The following PEAK1 variants were observed in gnomAD, a reference collection of about 807,000 sequenced individuals.
PEAK1 encodes inactive tyrosine-protein kinase PEAK1.
A neutral mutation model predicts 124.7 loss-of-function variants in PEAK1; 54 were observed. That is an observed-to-expected ratio of 0.43 (90% CI 0.35 to 0.54). The LOEUF is 0.54. Ranked by LOEUF, PEAK1 falls within the 20% of genes least tolerant of loss-of-function variation. The pLI is 0.01. For synonymous variants in PEAK1, 719 were observed against 760.0 expected (o/e 0.95, Z 0.89); for missense variants, 2,046 against 2,134.5 (o/e 0.96, Z 0.82).
rs1283008633 is a variant in PEAK1, at chr15:77,110,814, T to A, written c.*3342A>T. ...GACTCTTTTTCTCATCCTGCTGTTA[T>A]TCTTCATGAATTGGCTTCTAGGCAA... On this transcript the variant is annotated 3_prime_UTR_variant, in exon 10 of 10. Coordinates refer to ENST00000682557, the MANE Select transcript of PEAK1 (RefSeq NM_001385026.1). The A allele has an allele frequency of 6.6e-6, 1 of 152,260 alleles. No homozygotes were observed. Among genetic ancestry groups the A allele is most frequent in the Non-Finnish European group, 1.5e-5 (1 of 68,060 alleles). The allele number at this position is 152,260 out of a possible 1,614,324, so 9.4% of individuals were successfully genotyped here.
chr15:77,408,154 TACACACACAC>T (rs55866391), intron 1 of PEAK1, among the ~76,000 whole-genome samples: 10 of 144,416 alleles, frequency 6.9e-5, no homozygotes, highest in South Asian at 2.2e-4. Flanking sequence ...CATATATACA[TACACACACAC>T]ACACACACAC....
chr15:77,308,583 T>C (rs2064241162), intron 2 of PEAK1, among the ~76,000 whole-genome samples: 1 of 152,060 alleles, frequency 6.6e-6, no homozygotes, highest in Non-Finnish European at 1.5e-5. Context: ...ACTTTAACAG[T>C]AGAGAAAAAT....
At chr15:77,419,196 A>G (rs1268884903) in intron 1 of PEAK1, 3 of 985,238 alleles carry the variant, frequency 3.0e-6, no homozygotes, top group Admixed American at 6.2e-5. Context: ...AACAGGCCAG[A>G]GGCAGGCGGG....
intron 1 of PEAK1, among the ~76,000 whole-genome samples, chr15:77,382,318 CT>C (rs1281446532): frequency 3.9e-5 from 6 of 152,214 alleles, no homozygotes; most frequent in African/African-American, 1.4e-4. Context: ...CACCATGCTA[CT>C]TTCCATTTCC....
At chr15:77,187,054 C>T (rs1216026661) in intron 6 of PEAK1, among the ~76,000 whole-genome samples, 6 of 152,112 alleles carry the variant, frequency 3.9e-5, no homozygotes, top group African/African-American at 1.4e-4. Context: ...TATTTATTTG[C>T]CAGAACAGGT....
intron 1 of PEAK1, chr15:77,402,297 A>G (rs1179446980): frequency 2.0e-6 from 2 of 985,272 alleles, no homozygotes; most frequent in South Asian, 4.7e-5. Context: ...TTTAAAATGC[A>G]TATCTAGACA....
intron 2 of PEAK1, among the ~76,000 whole-genome samples, chr15:77,295,445 G>A (rs896403432): frequency 2.0e-5 from 3 of 152,032 alleles, no homozygotes; most frequent in Non-Finnish European, 4.4e-5. Flanking sequence ...GAAGAACATG[G>A]TCTTTTCTCA....
At chr15:77,273,187 T>TC (rs1040386501) in intron 5 of PEAK1, among the ~76,000 whole-genome samples, 7 of 152,066 alleles carry the variant, frequency 4.6e-5, no homozygotes, top group Non-Finnish European at 8.8e-5. Flanking sequence ...TTGAAAGTAT[T>TC]CCCCCTGAAA....
chr15:77,395,605 G>C (rs1158682637), intron 1 of PEAK1, among the ~76,000 whole-genome samples: 2 of 152,004 alleles, frequency 1.3e-5, no homozygotes, highest in African/African-American at 4.8e-5. Context: ...TAAGACTGGC[G>C]GGAGACTTTT....
intron 5 of PEAK1, among the ~76,000 whole-genome samples, chr15:77,273,621 A>G (rs2152957202): frequency 6.6e-6 from 1 of 152,314 alleles, no homozygotes; most frequent in Non-Finnish European, 1.5e-5. Context: ...CTGCTGAAAG[A>G]AATTATAGAT....
chr15:77,168,237 GCACACACA>G (rs113937076), intron 7 of PEAK1, among the ~76,000 whole-genome samples: 1 of 147,178 alleles, frequency 6.8e-6, no homozygotes, highest in African/African-American at 2.5e-5. Context: ...ATGTGCGCGC[GCACACACA>G]CACACACACA....
chr15:77,417,500 G>A (rs1157537882), intron 1 of PEAK1: 3 of 984,464 alleles, frequency 3.0e-6, no homozygotes, highest in Non-Finnish European at 3.6e-6. Flanking sequence ...ACAGTAAAGA[G>A]ATCAGCAAAT....
intron 6 of PEAK1, among the ~76,000 whole-genome samples, chr15:77,208,931 T>G (rs569314106): frequency 6.6e-6 from 1 of 152,328 alleles, no homozygotes; most frequent in South Asian, 2.1e-4. Flanking sequence ...CAATAAAACA[T>G]AGATGTTATC....
chr15:77,271,935 A>G (rs576307682), intron 5 of PEAK1, among the ~76,000 whole-genome samples: 1 of 151,640 alleles, frequency 6.6e-6, no homozygotes, highest in East Asian at 2.0e-4. Flanking sequence ...TATAATAATA[A>G]AAAAAAAGGA....
intron 8 of PEAK1, among the ~76,000 whole-genome samples, chr15:77,142,172 T>C (rs779059965): frequency 3.9e-5 from 6 of 152,202 alleles, no homozygotes; most frequent in Non-Finnish European, 8.8e-5. Context: ...GTAAAAGATT[T>C]GCATAGCTAT....
chr15:77,347,941 C>A (rs2066966657), intron 2 of PEAK1: 4 of 984,904 alleles, frequency 4.1e-6, no homozygotes, highest in East Asian at 1.1e-4. Flanking sequence ...TTTTTAAGCA[C>A]TGAATGATTC....
At chr15:77,309,971 G>A (rs895100701) in intron 2 of PEAK1, among the ~76,000 whole-genome samples, 3 of 152,150 alleles carry the variant, frequency 2.0e-5, no homozygotes, top group Admixed American at 2.0e-4. Context: ...CATGGTAGCT[G>A]TCTTCTCATA....
chr15:77,207,881 T>C (rs1381345892), intron 6 of PEAK1, among the ~76,000 whole-genome samples: 1 of 152,216 alleles, frequency 6.6e-6, no homozygotes. Flanking sequence ...ATGTTTTACA[T>C]TTCCAGTTAG....
At chr15:77,419,202 G>C in intron 1 of PEAK1, 1 of 985,322 alleles carries the variant, frequency 1.0e-6, no homozygotes, top group East Asian at 1.1e-4. Context: ...CCAGAGGCAG[G>C]CGGGGGAGGA....
Sources: gnomAD v4.1 joint callset for allele counts (sites outside exome capture counted in the v4.1 genomes callset) on GRCh38, gnomAD v4.1.1 for gene constraint, MANE v1.5 for transcripts, NCBI Gene and HGNC (gene_info 2026-07-23, HGNC 2026-07-21) for gene names.